METTL8: variants seen among roughly 807,000 people sequenced by gnomAD.
The protein encoded by METTL8 is tRNA N(3)-cytidine methyltransferase METTL8, mitochondrial.
In METTL8, 32 loss-of-function variants were observed where a neutral mutation model predicts 48.7. That is an observed-to-expected ratio of 0.66 (90% CI 0.50 to 0.88). The LOEUF (loss-of-function observed/expected upper bound fraction) is 0.88, where lower values mean the gene tolerates loss of function less well. Among genes scored for constraint, METTL8 ranks in the 40% least tolerant of loss-of-function variants. METTL8 has a pLI of 0.00. For missense variants in METTL8, 464 were observed against 474.4 expected (o/e 0.98, Z 0.20); for synonymous variants, 136 against 157.1 (o/e 0.87, Z 1.01).
intron 3 of METTL8, among the ~76,000 whole-genome samples, chr2:171,349,236 A>G (rs1683614793): frequency 6.6e-6 from 1 of 152,208 alleles, no homozygotes; most frequent in Non-Finnish European, 1.5e-5. Flanking sequence ...TTATATACAC[A>G]TTGGGTAAAA....
chr2:171,428,132 AAAG>A (rs949869591), intron 1 of METTL8, among the ~76,000 whole-genome samples: 7 of 152,244 alleles, frequency 4.6e-5, no homozygotes, highest in African/African-American at 9.6e-5. Flanking sequence ...GAATAGAAAA[AAAG>A]AAGAACTAAT....
chr2:171,402,815 A>C (rs1248032123), intron 1 of METTL8, among the ~76,000 whole-genome samples: 2 of 152,098 alleles, frequency 1.3e-5, no homozygotes, highest in African/African-American at 2.4e-5. Context: ...TAGTGCCAGA[A>C]AGTAAGGAAG....
chr2:171,434,720 C>T (rs1693706854), upstream of METTL8: 3 of 1,423,580 alleles, frequency 2.1e-6, no homozygotes, highest in Non-Finnish European at 2.7e-6. Flanking sequence ...GCCAGCCGGC[C>T]GGGGCGGGAC....
At chr2:171,361,140 C>T (rs769043267) in intron 2 of METTL8, among the ~76,000 whole-genome samples, 1 of 152,054 alleles carries the variant, frequency 6.6e-6, no homozygotes, top group Non-Finnish European at 1.5e-5. Context: ...ATCGACTCTC[C>T]CTATATGAGA....
At chr2:171,423,404 A>G (rs1692074877) in intron 1 of METTL8, among the ~76,000 whole-genome samples, 1 of 152,208 alleles carries the variant, frequency 6.6e-6, no homozygotes, top group Non-Finnish European at 1.5e-5. Flanking sequence ...AAAAGACAGG[A>G]AAATGTGAGA....
At chr2:171,397,185 A>G (rs146700428) in intron 1 of METTL8, among the ~76,000 whole-genome samples, 661 of 151,756 alleles carry the variant, frequency 4.4e-3, no homozygotes, top group African/African-American at 0.014. Context: ...AGTAGAAAGA[A>G]GGAAATAATA....
intron 1 of METTL8, among the ~76,000 whole-genome samples, chr2:171,396,283 A>ATAAT (rs1368230857): frequency 1.3e-5 from 2 of 152,098 alleles, no homozygotes; most frequent in African/African-American, 2.4e-5. Context: ...AAATAAATAA[A>ATAAT]TAAATAAATA....
rs1346368224 is a variant in METTL8 at position 171,416,944 on chromosome 2, C to T, written c.-13+16939G>A. Among the ~76,000 whole-genome samples the T allele has an allele frequency of 2.6e-5, 4 of 152,314 alleles. No individual in the cohort carries two copies. In the East Asian group the frequency reaches 7.7e-4, roughly 29 times the overall value. ...GGTAAAAGACCGGAAATACATGTTT[C>T]CATAATACATCCCACTTTTGCTTCA... On this transcript the variant is annotated intron_variant, in intron 1 of 9. Transcript: ENST00000375258.
At position 171,324,194 on chromosome 2, in the gene METTL8, G is replaced by A. The variant is rs913926322; in HGVS notation, c.1202C>T (p.Ser401Phe). The change falls in exon 10 of 10, where the codon TCT (serine) becomes TTT (phenylalanine). Residue 401 changes from serine (S) to phenylalanine (F), a missense_variant. By Grantham distance (155) the Ser-to-Phe change is radical (BLOSUM62 -2). Coordinates refer to ENST00000375258, the MANE Select transcript of METTL8 (RefSeq NM_001321154.2). ...HQTQNSSNMV[S>F]TLLSQD ...AGTTCAGTCTTGTGAAAGGAGTGTA[G>A]ATACCATATTGGAGCTATTCTGAGT... The A allele has an allele frequency of 1.3e-6, 2 of 1,549,970 alleles. No individual in the cohort carries two copies. Among genetic ancestry groups the A allele is most frequent in the African/African-American group, 1.4e-5 (1 of 73,112 alleles).
chr2:171,434,672 A>C (rs748586810), upstream of METTL8: 117 of 1,511,968 alleles, frequency 7.7e-5, no homozygotes, highest in Middle Eastern at 2.0e-4. Flanking sequence ...CAGAGGACCA[A>C]CCTGGGCATC....
intron 3 of METTL8, among the ~76,000 whole-genome samples, chr2:171,343,373 AG>A (rs1686968632): frequency 6.6e-6 from 1 of 152,134 alleles, no homozygotes; most frequent in Non-Finnish European, 1.5e-5. Flanking sequence ...CGGGAGGCGG[AG>A]GTTGCGGTGA....
intron 2 of METTL8, among the ~76,000 whole-genome samples, chr2:171,363,796 A>ATATATATATATATATATATATATATG (rs1019814294): frequency 8.5e-5 from 10 of 117,390 alleles, no homozygotes; most frequent in South Asian, 5.1e-4. Flanking sequence ...CAAATTTTAT[A>ATATATATATATATATATATATATATG]TATATATATA....
intron 1 of METTL8, among the ~76,000 whole-genome samples, chr2:171,414,954 C>G (rs1691150170): frequency 6.6e-6 from 1 of 151,986 alleles, no homozygotes; most frequent in African/African-American, 2.4e-5. Context: ...AGGGGAAACC[C>G]CTTTCACTTG....
At chr2:171,328,205 T>C (rs183447431) in intron 7 of METTL8, among the ~76,000 whole-genome samples, 1 of 152,302 alleles carries the variant, frequency 6.6e-6, no homozygotes, top group Admixed American at 6.5e-5. Flanking sequence ...TTCACTTATC[T>C]CTGGATAGAG....
At chr2:171,335,861 C>T (rs1686030831) in intron 5 of METTL8, among the ~76,000 whole-genome samples, 1 of 152,132 alleles carries the variant, frequency 6.6e-6, no homozygotes, top group Non-Finnish European at 1.5e-5. Context: ...CCTCCCTCTC[C>T]TTTTCCTCTA....
chr2:171,420,730 G>T (rs1428317397), intron 1 of METTL8, among the ~76,000 whole-genome samples: 1 of 152,144 alleles, frequency 6.6e-6, no homozygotes, highest in South Asian at 2.1e-4. Flanking sequence ...CCCAAGTTTG[G>T]TTTAACAATA....
At position 171,330,560 on chromosome 2, in the gene METTL8, T is replaced by C. The variant is rs551304962; in HGVS notation, c.859A>G (p.Arg287Gly). 11 of 1,612,950 alleles carry C rather than the reference T, an allele frequency of 6.8e-6. No homozygotes were observed. The highest frequency in any genetic ancestry group is 6.7e-5 in the Admixed American group (4 of 59,754). ...CTTTGCCCTTTCGTCTTCATTTACC[T>C]GTCAGGATGAATAGAAGAGAGCACA... is the stretch of plus-strand genomic sequence containing the variant. ...VFVLSSIHPD[R>G]MQGVVNRLSK... The change falls in exon 7 of 10, where the codon AGG becomes GGG. Residue 287 changes from arginine to glycine, a missense_variant and splice_region_variant. Transcript: ENST00000375258.
chr2:171,379,038 T>C lies in METTL8; in HGVS notation c.143+13005A>G, dbSNP rs190900082. Among the ~76,000 whole-genome samples the C allele has an allele frequency of 7.0e-4, 106 of 152,216 alleles. 2 individuals are homozygous for C. The highest frequency in any genetic ancestry group is 1.5e-3 in the South Asian group (7 of 4,824). ...ACATTCCTCAGCAAATGCAAAAGAA[T>C]TGAAATAATAACAAATAGTCTCTCA... On this transcript the variant is annotated intron_variant, in intron 2 of 9. Transcript: ENST00000375258.
intron 7 of METTL8, 66 bp downstream of exon 7, chr2:171,330,493 A>T: frequency 6.8e-7 from 1 of 1,470,240 alleles, no homozygotes; most frequent in Admixed American, 2.1e-5. Flanking sequence ...TTGCTTTGAT[A>T]GTTCTGAAAA....
Sources: allele counts gnomAD v4.1 joint callset (sites outside exome capture counted in the v4.1 genomes callset), GRCh38; gene constraint gnomAD v4.1.1; transcripts MANE v1.5; gene names NCBI Gene and HGNC (gene_info 2026-07-23, HGNC 2026-07-21).